DAB1: variants seen among roughly 807,000 people sequenced by gnomAD.
DAB1 encodes disabled homolog 1.
Under a neutral mutation model 64.6 loss-of-function variants are expected in DAB1, and 15 were observed. That is an observed-to-expected ratio of 0.23 (90% CI 0.16 to 0.36). The LOEUF (loss-of-function observed/expected upper bound fraction) is 0.36. Among genes scored for constraint, DAB1 ranks in the 10% least tolerant of loss-of-function variants. The probability of loss-of-function intolerance (pLI) is 1.00; values close to 1 mark genes in which losing one functional copy is unlikely to be tolerated. For missense variants in DAB1, 596 were observed against 706.7 expected (o/e 0.84, Z 1.78); for synonymous variants, 235 against 251.9 (o/e 0.93, Z 0.64).
chr1:57,342,089 T>C lies in DAB1; in HGVS notation c.-136-50923A>G, dbSNP rs145409752. Among the ~76,000 whole-genome samples the C allele has an allele frequency of 2.9e-4, 44 of 152,380 alleles. No homozygotes were observed. In the East Asian group the frequency reaches 6.0e-3, roughly 21 times the overall value. ...GAGACAGGGTTAAGTTACTGACTTATACATAGTTTGCTCCAACCTTTCAGA... is the reference window on the plus strand; with the variant it reads ...GAGACAGGGTTAAGTTACTGACTTACACATAGTTTGCTCCAACCTTTCAGA... On this transcript the variant is annotated intron_variant, in intron 1 of 14. Transcript: ENST00000371236.
At chr1:58,315,629 T>C (rs1285804533) in intron 4 of DAB1, among the ~76,000 whole-genome samples, 2 of 152,192 alleles carry the variant, frequency 1.3e-5, no homozygotes, top group Admixed American at 6.5e-5. Context: ...GGCCAATATC[T>C]GGAGAGTGAA....
At chr1:58,230,061 C>T (rs556398941) in intron 4 of DAB1, among the ~76,000 whole-genome samples, 6 of 152,290 alleles carry the variant, frequency 3.9e-5, no homozygotes, top group African/African-American at 1.2e-4. Context: ...ATTGCTCCTA[C>T]GTCCTTTCCA....
chr1:58,118,467 GGCA>G (rs1652484992), intron 5 of DAB1, among the ~76,000 whole-genome samples: 1 of 11,770 alleles, frequency 8.5e-5, no homozygotes. Context: ...ACTATCCTAA[GGCA>G]TATATATATA....
chr1:57,200,798 T>G (rs1284409088), intron 2 of DAB1, among the ~76,000 whole-genome samples: 8 of 152,244 alleles, frequency 5.3e-5, no homozygotes, highest in Admixed American at 5.2e-4. Flanking sequence ...CAACTCATGT[T>G]AATAAAGTAC....
chr1:58,427,814 C>T (rs1644835603), intron 3 of DAB1, among the ~76,000 whole-genome samples: 1 of 151,886 alleles, frequency 6.6e-6, no homozygotes, highest in Admixed American at 6.6e-5. Flanking sequence ...GGGGAGAGGC[C>T]TGAAATAAAG....
In DAB1 at chr1:57,308,824, T is replaced by C. The variant is rs112436299; in HGVS notation, c.-136-17658A>G. Among the ~76,000 whole-genome samples, 14 of 152,282 alleles carry C rather than the reference T, an allele frequency of 9.2e-5. 1 individual carries two copies. The highest frequency in any genetic ancestry group is 3.4e-4 in the African/African-American group (14 of 41,568). ...TGAGGCTCTGGGAAGGAAACTGACT[T>C]ACCCTGAGGTCCAGTACTGGTAAAT... On this transcript the variant is annotated intron_variant, in intron 1 of 14. Coordinates refer to ENST00000371236, the MANE Select transcript of DAB1 (RefSeq NM_001365792.1).
intron 2 of DAB1, among the ~76,000 whole-genome samples, chr1:57,174,452 G>A (rs1255971193): frequency 1.3e-5 from 2 of 152,114 alleles, no homozygotes; most frequent in African/African-American, 4.8e-5. Context: ...TCATAATCTA[G>A]TAGAAAAACT....
At chr1:57,761,862 C>T (rs1649103364) in intron 6 of DAB1, among the ~76,000 whole-genome samples, 2 of 152,176 alleles carry the variant, frequency 1.3e-5, no homozygotes. Context: ...TTCAAAAAGA[C>T]TCCCCCAGAC....
At chr1:57,638,825 G>A (rs1646091602) in intron 7 of DAB1, among the ~76,000 whole-genome samples, 1 of 151,964 alleles carries the variant, frequency 6.6e-6, no homozygotes, top group African/African-American at 2.4e-5. Context: ...CAGTGTGGCT[G>A]GAAACAAATA....
intron 7 of DAB1, among the ~76,000 whole-genome samples, chr1:57,520,281 G>C (rs1644509745): frequency 6.6e-6 from 1 of 152,040 alleles, no homozygotes; most frequent in Admixed American, 6.5e-5. Flanking sequence ...AAAGAAAAAA[G>C]ACAAAGGATA....
chr1:58,092,390 G>A (rs1160468132), intron 5 of DAB1, among the ~76,000 whole-genome samples: 4 of 152,012 alleles, frequency 2.6e-5, no homozygotes, highest in Admixed American at 2.6e-4. Flanking sequence ...CATGCCCAGG[G>A]GCTTTGCTTC....
chr1:57,517,929 C>T (rs1008172855), intron 7 of DAB1, among the ~76,000 whole-genome samples: 7 of 152,164 alleles, frequency 4.6e-5, no homozygotes, highest in African/African-American at 1.7e-4. Context: ...GCTTTCTCAG[C>T]CCCCCAGCTG....
chr1:57,414,938 A>G (rs889111115), intron 1 of DAB1, among the ~76,000 whole-genome samples: 2 of 152,154 alleles, frequency 1.3e-5, no homozygotes, highest in African/African-American at 2.4e-5. Flanking sequence ...TTATCTTTTA[A>G]TCAGTCTATA....
At chr1:57,751,834 T>A (rs1648565198) in intron 6 of DAB1, among the ~76,000 whole-genome samples, 1 of 150,786 alleles carries the variant, frequency 6.6e-6, no homozygotes, top group Non-Finnish European at 1.5e-5. Flanking sequence ...ATTCTTTACT[T>A]AATAAATAAA....
chr1:57,026,164 G>C (rs528678704), intron 9 of DAB1, 121 bp from the exon 10 acceptor site: 6 of 721,978 alleles, frequency 8.3e-6, no homozygotes, highest in Non-Finnish European at 1.4e-5. Flanking sequence ...TAGATAAACC[G>C]TAATCCTGAT....
intron 7 of DAB1, among the ~76,000 whole-genome samples, chr1:57,533,539 G>GTATATATA (rs59378470): frequency 0.021 from 2,990 of 143,358 alleles, 51 homozygotes; most frequent in Non-Finnish European, 0.027. Flanking sequence ...TTCATAACAG[G>GTATATATA]TATATATATA....
At chr1:57,959,065 C>A (rs1645455722) in intron 5 of DAB1, among the ~76,000 whole-genome samples, 1 of 152,216 alleles carries the variant, frequency 6.6e-6, no homozygotes, top group African/African-American at 2.4e-5. Flanking sequence ...TGGCAAGTAG[C>A]AGGCAGAAAG....
At chr1:57,861,515 C>T (rs1390650962) in intron 1 of DAB1, among the ~76,000 whole-genome samples, 1 of 152,146 alleles carries the variant, frequency 6.6e-6, no homozygotes, top group Non-Finnish European at 1.5e-5. Flanking sequence ...AAGATTTCAA[C>T]ATATGAATTC....
At chr1:57,889,908 G>GGGGC (rs1553139943) in intron 5 of DAB1, among the ~76,000 whole-genome samples, 1 of 90,458 alleles carries the variant, frequency 1.1e-5, no homozygotes, top group African/African-American at 3.7e-5. Context: ...GCGGGGGGGG[G>GGGGC]GGAGGGGGAA....
Sources: gnomAD v4.1 joint callset for allele counts (sites outside exome capture counted in the v4.1 genomes callset) on GRCh38, gnomAD v4.1.1 for gene constraint, MANE v1.5 for transcripts, NCBI Gene and HGNC (gene_info 2026-07-23, HGNC 2026-07-21) for gene names.